The following CACNA2D3 variants were observed in gnomAD, a reference collection of about 807,000 sequenced individuals.
The protein encoded by CACNA2D3 is voltage-dependent calcium channel subunit alpha-2/delta-3.
In CACNA2D3, 60 loss-of-function variants were observed where a neutral mutation model predicts 160.6. That is an observed-to-expected ratio of 0.37 (90% CI 0.30 to 0.46). The LOEUF is 0.46. CACNA2D3 is among the 20% of genes least tolerant of loss of function. The pLI is 1.00. For synonymous variants in CACNA2D3, 558 were observed against 492.9 expected (o/e 1.13, Z -1.75); for missense variants, 1,205 against 1,365.0 (o/e 0.88, Z 1.85).
chr3:55,035,994 T>C lies in CACNA2D3; in HGVS notation c.2987+17677T>C, dbSNP rs568282583. Reference sequence around the variant, plus strand: ...ACTTGAATTCTCCATGCCCCTTTGCTGTGTAGATACAACATCAGTTCCACC... The same window carrying C: ...ACTTGAATTCTCCATGCCCCTTTGCCGTGTAGATACAACATCAGTTCCACC... On this transcript the variant is annotated intron_variant, in intron 35 of 37. Coordinates refer to ENST00000474759, the MANE Select transcript of CACNA2D3 (RefSeq NM_018398.3). Among the ~76,000 whole-genome samples, 7 of 152,356 alleles carry C rather than the reference T, an allele frequency of 4.6e-5. No homozygotes were observed. The South Asian group carries it at 1.5e-3, about 32-fold the overall frequency.
chr3:55,041,289 A>G (rs1198064020), intron 35 of CACNA2D3, among the ~76,000 whole-genome samples: 1 of 152,178 alleles, frequency 6.6e-6, no homozygotes, highest in Non-Finnish European at 1.5e-5. Context: ...TAGACTTGGG[A>G]TTGCTGGGTG....
At chr3:54,454,926 T>C (rs893713408) in intron 4 of CACNA2D3, among the ~76,000 whole-genome samples, 18 of 152,298 alleles carry the variant, frequency 1.2e-4, no homozygotes, top group African/African-American at 3.6e-4. Context: ...TGACGGAATT[T>C]CTTTCTTATT....
intron 9 of CACNA2D3, among the ~76,000 whole-genome samples, chr3:54,606,638 C>T (rs920341621): frequency 1.3e-5 from 2 of 152,092 alleles, no homozygotes; most frequent in Non-Finnish European, 2.9e-5. Flanking sequence ...GGAAACAAGG[C>T]ACATGAAGTG....
In CACNA2D3 at chr3:54,851,803, T is replaced by C. The variant is rs141968683; in HGVS notation, c.1626+5336T>C. Among the ~76,000 whole-genome samples, 633 of 152,376 alleles carry C rather than the reference T, an allele frequency of 4.2e-3. 10 individuals carry two copies. The Middle Eastern group carries it at 0.044, about 11-fold the overall frequency. On this transcript the variant is annotated intron_variant, in intron 17 of 37. Coordinates refer to ENST00000474759, the MANE Select transcript of CACNA2D3 (RefSeq NM_018398.3). Reference sequence around the variant, plus strand: ...TCCAAAATATCAGTGTTTCAATATATAATCAATGCAGACATTATTAATGTG... The same window carrying C: ...TCCAAAATATCAGTGTTTCAATATACAATCAATGCAGACATTATTAATGTG...
intron 25 of CACNA2D3, among the ~76,000 whole-genome samples, chr3:54,893,559 G>T (rs550410417): frequency 3.3e-5 from 5 of 152,248 alleles, no homozygotes; most frequent in Admixed American, 2.6e-4. Context: ...GGCTTAGAAA[G>T]TTTTTAGCAT....
At chr3:54,283,395 G>A (rs573482044) in intron 2 of CACNA2D3, among the ~76,000 whole-genome samples, 12 of 152,278 alleles carry the variant, frequency 7.9e-5, no homozygotes, top group South Asian at 4.1e-4. Flanking sequence ...GTTTTTGGTC[G>A]CAGAATATAA....
chr3:54,634,597 A>G (rs1699322415), intron 10 of CACNA2D3: 1 of 152,032 alleles, frequency 6.6e-6, no homozygotes, highest in South Asian at 2.1e-4. Context: ...GCGAAGGGAG[A>G]TAAGGGTGGG....
chr3:54,841,050 C>G (rs927073245), intron 16 of CACNA2D3, among the ~76,000 whole-genome samples: 4 of 152,056 alleles, frequency 2.6e-5, no homozygotes, highest in Non-Finnish European at 5.9e-5. Flanking sequence ...ACCTCTGTAA[C>G]CACAATGCTA....
intron 18 of CACNA2D3, among the ~76,000 whole-genome samples, chr3:54,877,977 A>G (rs1428878817): frequency 2.0e-5 from 3 of 152,174 alleles, no homozygotes; most frequent in African/African-American, 7.2e-5. Context: ...AGAAATGCCT[A>G]TTATGTGTTG....
chr3:54,438,288 C>G (rs559750871), intron 4 of CACNA2D3, among the ~76,000 whole-genome samples: 1 of 152,202 alleles, frequency 6.6e-6, no homozygotes, highest in East Asian at 1.9e-4. Flanking sequence ...AATATAATTA[C>G]ATAGTGAAAT....
At chr3:54,290,730 T>C (rs1297011691) in intron 2 of CACNA2D3, among the ~76,000 whole-genome samples, 25 of 151,936 alleles carry the variant, frequency 1.6e-4, no homozygotes, top group East Asian at 1.4e-3. Flanking sequence ...TATGCAGCCA[T>C]AAAAAATGAT....
intron 13 of CACNA2D3, among the ~76,000 whole-genome samples, chr3:54,771,078 G>C (rs1702312052): frequency 1.3e-5 from 2 of 152,070 alleles, no homozygotes; most frequent in African/African-American, 2.4e-5. Context: ...TGGATCTGGG[G>C]GCTGGGTTAG....
chr3:54,222,026 G>T (rs1285284511), intron 2 of CACNA2D3, among the ~76,000 whole-genome samples: 2 of 152,096 alleles, frequency 1.3e-5, no homozygotes, highest in Non-Finnish European at 2.9e-5. Context: ...CAATATTTTT[G>T]ATCAGTAGTT....
intron 11 of CACNA2D3, among the ~76,000 whole-genome samples, chr3:54,704,204 G>A (rs1348343159): frequency 1.3e-5 from 2 of 152,186 alleles, no homozygotes; most frequent in African/African-American, 2.4e-5. Context: ...AAATTGAAAG[G>A]TTATTCAGAC....
At chr3:55,055,884 T>C (rs1057106668) in intron 35 of CACNA2D3, among the ~76,000 whole-genome samples, 2 of 152,174 alleles carry the variant, frequency 1.3e-5, no homozygotes, top group African/African-American at 4.8e-5. Flanking sequence ...CACATTGGTC[T>C]GGGCAATGTT....
At chr3:54,766,062 A>G (rs767661755) in intron 13 of CACNA2D3, among the ~76,000 whole-genome samples, 1 of 152,168 alleles carries the variant, frequency 6.6e-6, no homozygotes, top group Non-Finnish European at 1.5e-5. Flanking sequence ...TTCTGGGAAG[A>G]CTTTAACAAT....
intron 27 of CACNA2D3, among the ~76,000 whole-genome samples, chr3:54,939,033 T>A (rs1701394609): frequency 1.3e-5 from 2 of 152,324 alleles, no homozygotes; most frequent in East Asian, 3.9e-4. Context: ...ACTGTGATGC[T>A]ACCTCTCCAT....
rs1308596980 is a variant in CACNA2D3 at position 54,350,973 on chromosome 3, T to G, written c.321+30415T>G. Among the ~76,000 whole-genome samples the G allele has an allele frequency of 8.3e-4, 39 of 46,788 alleles. 1 individual carries two copies. The highest frequency in any genetic ancestry group is 6.5e-3 in the South Asian group (10 of 1,544). The allele number at this position is 46,788 out of a possible 152,430, so 30.7% of individuals were successfully genotyped here. ...GATTTTGAGATCTTGAGTCTGTTTT[T>G]TTTTTTTTGTTTGTTTTTTTTTTTT... On this transcript the variant is annotated intron_variant, in intron 3 of 37. Transcript: ENST00000474759.
intron 34 of CACNA2D3, among the ~76,000 whole-genome samples, chr3:55,011,573 A>G (rs1310248905): frequency 6.6e-6 from 1 of 152,154 alleles, no homozygotes; most frequent in Non-Finnish European, 1.5e-5. Flanking sequence ...AATTAAAAAA[A>G]TGCTCATGAA....
Sources: allele counts gnomAD v4.1 joint callset (sites outside exome capture counted in the v4.1 genomes callset), GRCh38; gene constraint gnomAD v4.1.1; transcripts MANE v1.5; gene names NCBI Gene and HGNC (gene_info 2026-07-23, HGNC 2026-07-21).